The following HSPG2 variants were observed in gnomAD, a reference collection of about 807,000 sequenced individuals.
The protein encoded by HSPG2 is basement membrane-specific heparan sulfate proteoglycan core protein.
Under a neutral mutation model 526.6 loss-of-function variants are expected in HSPG2, and 278 were observed. The ratio of observed to expected loss-of-function variants is 0.53; its 90% CI spans 0.48 to 0.58. The LOEUF (loss-of-function observed/expected upper bound fraction) is 0.58, where lower values mean the gene tolerates loss of function less well. Among genes scored for constraint, HSPG2 ranks in the 20% least tolerant of loss-of-function variants. The probability of loss-of-function intolerance (pLI) is 0.00; values close to 1 mark genes in which losing one functional copy is unlikely to be tolerated. For missense variants in HSPG2, 5,354 were observed against 6,099.5 expected, an observed-to-expected ratio of 0.88 and a Z score of 4.07; for synonymous variants, 2,465 against 2,555.4, an observed-to-expected ratio of 0.96 and a Z score of 1.07.
In HSPG2 at chr1:21,851,680, G is replaced by A. The variant is rs1638909678; in HGVS notation, c.7024C>T (p.Pro2342Ser). Residue 2342 changes from proline to serine, a missense_variant, in exon 55 of 97, where the codon CCC becomes TCC. Pro to Ser is a moderately conservative substitution (Grantham distance 74, BLOSUM62 -1). Transcript: ENST00000374695. ...GAGGAGGAGGGCTCGATGCGGATGG[G>A]CTGGGTGCTGCCGGCAGCTGAGGGA... ...NLAYPAGSTQ[P>S]IRIEPSSSQV... is the part of the protein sequence containing the mutation. 5 of 1,614,102 alleles carry A rather than the reference G, an allele frequency of 3.1e-6. No individual in the cohort carries two copies. The highest frequency in any genetic ancestry group is 4.2e-6 in the Non-Finnish European group (5 of 1,180,038).
intron 1 of HSPG2, among the ~76,000 whole-genome samples, chr1:21,909,072 C>T (rs2152785897): frequency 6.6e-6 from 1 of 152,310 alleles, no homozygotes; most frequent in East Asian, 1.9e-4. Context: ...GGCGCCATTG[C>T]ACTCCAGCCT....
rs756733330 is a variant in HSPG2 at position 21,878,567 on chromosome 1, T to C, written c.2558+10A>G. 1.4e-4 allele frequency: 230 copies of C among 1,613,914 alleles called. No individual in the cohort carries two copies. The highest frequency in any genetic ancestry group is 9.9e-4 in the Middle Eastern group (6 of 6,062). On this transcript the variant is annotated intron_variant, in intron 19 of 96. Coordinates refer to ENST00000374695, the MANE Select transcript of HSPG2 (RefSeq NM_005529.7). ...GCCCCCTTCCTGCAGCCCCCAAGGC[T>C]CTCCCTCACCTCTCACAGCGGCGGC...
In HSPG2 at chr1:21,846,226, A is replaced by G. The variant is rs1638421694; in HGVS notation, c.8346T>C (p.His2782=). 1 of 1,612,808 alleles carries G rather than the reference A, an allele frequency of 6.2e-7. No homozygotes were observed. Among genetic ancestry groups the G allele is most frequent in the Non-Finnish European group, 8.5e-7 (1 of 1,179,958 alleles). The change falls in exon 64 of 97, where the codon CAT becomes CAC. Residue 2782 remains histidine, a synonymous_variant. Coordinates refer to ENST00000374695, the MANE Select transcript of HSPG2 (RefSeq NM_005529.7). ...QTRGSRLRLH[H]VSPADSGEYV... The stretch of plus-strand genomic sequence containing the variant: ...ATTCACCCGAGTCGGCCGGGGACAC[A>G]TGGTGCAGCCGCAGCCGTGAGCCGC...
chr1:21,824,252 G>A lies in HSPG2; in HGVS notation c.12816-48C>T. 6.2e-7 allele frequency: 1 copy of A among 1,612,866 alleles called. No individual in the cohort carries two copies. The highest frequency in any genetic ancestry group is 1.3e-5 in the African/African-American group (1 of 75,030). ...AGTATGAGCTGGGGCAGGACCGGGG[G>A]GTGGGGTGCTGGGACCAGGGAAGGG... On this transcript the variant is annotated intron_variant, in intron 94 of 96. Transcript: ENST00000374695. This position sits in a 1 kb window ranked among gnomAD's most constrained non-coding sequence, Gnocchi z 5.9.
rs573108212 is a variant in HSPG2 at position 21,914,415 on chromosome 1, A to C, written c.64-18105T>G. Among the ~76,000 whole-genome samples, 33 of 2,610 alleles carry C rather than the reference A, an allele frequency of 0.013. No individual in the cohort carries two copies. The South Asian group carries it at 0.38, about 30-fold the overall frequency. 1.7% of individuals were successfully genotyped at this position (2,610 alleles called of 152,430 possible). On this transcript the variant is annotated intron_variant, in intron 1 of 96. Coordinates refer to ENST00000374695, the MANE Select transcript of HSPG2 (RefSeq NM_005529.7). The stretch of plus-strand genomic sequence containing the variant: ...AGGAGGAGCCTCAGAATGTTTTGGA[A>C]AACAGCCAGGAGGCCGGTTATCTAA...
chr1:21,864,357 A>T lies in HSPG2; in HGVS notation c.4627-144T>A. 1 of 725,754 alleles carries T rather than the reference A, an allele frequency of 1.4e-6. No individual in the cohort carries two copies. 45.0% of individuals were successfully genotyped at this position (725,754 alleles called of 1,614,324 possible). A position where few individuals can be genotyped will look rare whatever the true frequency, so the allele number is the denominator to read the frequency against. ...CGCCCCTCCTTCCCCACTTCTGCTC[A>T]GTCTGTCCTCCCACCCACGGCCCTC... On this transcript the variant is annotated intron_variant, in intron 36 of 96. Transcript: ENST00000374695. The surrounding 1 kb of genome is among the most constrained non-coding windows in gnomAD (Gnocchi z 4.8).
At chr1:21,897,192 C>T (rs1483020674) in intron 1 of HSPG2, among the ~76,000 whole-genome samples, 16 of 152,172 alleles carry the variant, frequency 1.1e-4, no homozygotes, top group Admixed American at 1.0e-3. Flanking sequence ...GGAAAACAAA[C>T]CCAGGGGAGC....
At chr1:21,930,050 C>G (rs1367449074) in intron 1 of HSPG2, among the ~76,000 whole-genome samples, 1 of 152,154 alleles carries the variant, frequency 6.6e-6, no homozygotes, top group Non-Finnish European at 1.5e-5. Flanking sequence ...ATGGCCAAAG[C>G]TCTGCTGATC....
Position 21,910,139 on chromosome 1 carries a change from C to T in HSPG2, c.64-13829G>A, listed in dbSNP as rs188532099. On this transcript the variant is annotated intron_variant, in intron 1 of 96. Transcript: ENST00000374695. ...TCAGCCCCCTCAGGATCCTCCATGG[C>T]GATGTTGGTTCCTCCCTGGGTCCCC... Among the ~76,000 whole-genome samples the T allele has an allele frequency of 6.9e-3, 1,058 of 152,362 alleles. 11 individuals carry two copies. Among genetic ancestry groups the T allele is most frequent in the African/African-American group, 0.024 (992 of 41,582 alleles).
chr1:21,910,493 T>C (rs1031722072), intron 1 of HSPG2, among the ~76,000 whole-genome samples: 1 of 152,206 alleles, frequency 6.6e-6, no homozygotes, highest in African/African-American at 2.4e-5. Flanking sequence ...AGTTTTCTCA[T>C]CTGCAAAATA....
intron 81 of HSPG2, among the ~76,000 whole-genome samples, chr1:21,832,166 A>C (rs1338525418): frequency 1.3e-5 from 2 of 152,106 alleles, no homozygotes; most frequent in Non-Finnish European, 2.9e-5. Context: ...ACCTCTTCCC[A>C]CAAGAGCCAG....
Position 21,828,026 on chromosome 1 carries a change from G to T in HSPG2, c.12532+4C>A, listed in dbSNP as rs762689360. The stretch of plus-strand genomic sequence containing the variant: ...TGAAGTGGAGAGAAGCCAGGCCTGG[G>T]TACCTTGTTGGCAGCGTGGGCCAGA... On this transcript the variant is annotated splice_donor_region_variant and intron_variant, in intron 90 of 96. Coordinates refer to ENST00000374695, the MANE Select transcript of HSPG2 (RefSeq NM_005529.7). The surrounding 1 kb of genome is among the most constrained non-coding windows in gnomAD (Gnocchi z 6.0). 2 of 1,613,628 alleles carry T rather than the reference G, an allele frequency of 1.2e-6. No homozygotes were observed. Among genetic ancestry groups the T allele is most frequent in the Admixed American group, 3.3e-5 (2 of 60,008 alleles).
chr1:21,829,941 C>T, intron 86 of HSPG2, 52 bp downstream of exon 86: 3 of 1,457,396 alleles, frequency 2.1e-6, no homozygotes, highest in Non-Finnish European at 2.8e-6. Flanking sequence ...CCCCACCCAG[C>T]CTCCCCAGCT....
chr1:21,868,019 C>T (rs753426190), intron 33 of HSPG2, among the ~76,000 whole-genome samples: 5 of 150,974 alleles, frequency 3.3e-5, no homozygotes, highest in South Asian at 2.1e-4. Context: ...CATGAGCCAC[C>T]GCACCCAGCC....
rs753422568 is a variant in HSPG2 at position 21,890,162 on chromosome 1, G to A, written c.414-21C>T. The A allele has an allele frequency of 3.4e-5, 55 of 1,613,770 alleles. No individual in the cohort carries two copies. In the Admixed American group the frequency reaches 8.8e-4, roughly 26 times the overall value. ...GCTCCCTGGGGATGGAGACAGGCAGGAGAGGAGGGTCAGCGAGACACCTGT... is the reference window on the plus strand; with the variant it reads ...GCTCCCTGGGGATGGAGACAGGCAGAAGAGGAGGGTCAGCGAGACACCTGT... On this transcript the variant is annotated intron_variant, in intron 5 of 96. Coordinates refer to ENST00000374695, the MANE Select transcript of HSPG2 (RefSeq NM_005529.7). The surrounding 1 kb of genome is among the most constrained non-coding windows in gnomAD (Gnocchi z 4.1).
chr1:21,825,151 T>C (rs1451555845), intron 91 of HSPG2: 1 of 330,664 alleles, frequency 3.0e-6, no homozygotes, highest in African/African-American at 2.1e-5. Flanking sequence ...TTGTGGTAGC[T>C]ACTGAGATCA....
chr1:21,899,125 G>T (rs1642950219), intron 1 of HSPG2, among the ~76,000 whole-genome samples: 1 of 152,208 alleles, frequency 6.6e-6, no homozygotes, highest in African/African-American at 2.4e-5. Context: ...CTGCCAGTCT[G>T]CTGTTGCTTG....
chr1:21,847,739 C>T lies in HSPG2; in HGVS notation c.7975G>A (p.Ala2659Thr). 6.2e-7 allele frequency: 1 copy of T among 1,612,442 alleles called. No individual in the cohort carries two copies. Among genetic ancestry groups the T allele is most frequent in the Non-Finnish European group, 8.5e-7 (1 of 1,179,474 alleles). ...LNCVVARQPQ[A>T]IITWYKRGGS... ...CCACGCTTGTACCATGTGATGATAG[C>T]CTGGGGCTGCCTGGCGACCACGCAG... is the stretch of plus-strand genomic sequence containing the variant. Residue 2659 changes from alanine to threonine, a missense_variant, in exon 61 of 97, where the codon GCT becomes ACT. Coordinates refer to ENST00000374695, the MANE Select transcript of HSPG2 (RefSeq NM_005529.7). The surrounding 1 kb of genome is among the most constrained non-coding windows in gnomAD (Gnocchi z 4.1).
Position 21,872,583 on chromosome 1 carries a change from G to A in HSPG2, c.4029+37C>T. On this transcript the variant is annotated intron_variant, in intron 32 of 96. Coordinates refer to ENST00000374695, the MANE Select transcript of HSPG2 (RefSeq NM_005529.7). The surrounding 1 kb of genome is among the most constrained non-coding windows in gnomAD (Gnocchi z 5.5). ...GATGGACAGTAACAGGCAGCAGGTGGCAACACCGCCTGGGGCTGGGCAGCA... is the reference window on the plus strand; with the variant it reads ...GATGGACAGTAACAGGCAGCAGGTGACAACACCGCCTGGGGCTGGGCAGCA... 2 of 1,562,366 alleles carry A rather than the reference G, an allele frequency of 1.3e-6. No homozygotes were observed. Among genetic ancestry groups the A allele is most frequent in the East Asian group, 2.4e-5 (1 of 42,518 alleles).
Sources: gnomAD v4.1 joint callset for allele counts (sites outside exome capture counted in the v4.1 genomes callset) on GRCh38, gnomAD v4.1.1 for gene constraint, Gnocchi (gnomAD v3.1) non-coding constraint, MANE v1.5 for transcripts, NCBI Gene and HGNC (gene_info 2026-07-23, HGNC 2026-07-21) for gene names.